TRIM37: variants seen among roughly 807,000 people sequenced by gnomAD.
TRIM37 encodes the protein tripartite motif containing 37.
TRIM37 carries 80 observed loss-of-function variants against 129.8 expected under a neutral mutation model. The ratio of observed to expected loss-of-function variants is 0.62; its 90% CI spans 0.51 to 0.74. The LOEUF (loss-of-function observed/expected upper bound fraction) is 0.74, where lower values mean the gene tolerates loss of function less well. Ranked by LOEUF, TRIM37 falls within the 30% of genes least tolerant of loss-of-function variation. The pLI, the probability that TRIM37 is intolerant of heterozygous loss-of-function variation, is 0.00. For missense variants in TRIM37, 1,054 were observed against 1,176.5 expected (o/e 0.90, Z 1.52); for synonymous variants, 389 against 387.1 (o/e 1.00, Z -0.06).
chr17:59,081,299 C>G, intron 5 of TRIM37, 80 bp from the exon 6 acceptor site: 2 of 1,561,818 alleles, frequency 1.3e-6, no homozygotes, highest in Non-Finnish European at 1.7e-6. Flanking sequence ...TCTATGGACA[C>G]TAATAAACTG....
chr17:58,967,515 TATATAG>T, the TRIM37 span, among the ~76,000 whole-genome samples: 99 of 149,108 alleles, frequency 6.6e-4, no homozygotes, highest in African/African-American at 2.4e-3. Context: ...TATATATATA[TATATAG>T]AGAGAGAGAG....
intron 24 of TRIM37, among the ~76,000 whole-genome samples, chr17:58,990,704 T>G (rs1292683680): frequency 6.9e-6 from 1 of 144,756 alleles, no homozygotes; most frequent in East Asian, 2.0e-4. Context: ...GGCAGGAGAA[T>G]CACTTGAACC....
chr17:59,099,058 C>G lies in TRIM37; in HGVS notation c.123+5235G>C, dbSNP rs574207795. Among the ~76,000 whole-genome samples, 20 of 152,206 alleles carry G rather than the reference C, an allele frequency of 1.3e-4. 1 individual carries two copies. The East Asian group carries it at 3.9e-3, about 29-fold the overall frequency. ...ATTAGCTGGGTGTACTGGCGCACAC[C>G]TGTAGTCCCAGCTACTCGGGAGGCT... On this transcript the variant is annotated intron_variant, in intron 2 of 23. Transcript: ENST00000262294.
intron 19 of TRIM37, among the ~76,000 whole-genome samples, chr17:59,020,416 A>ACTT: frequency 6.6e-6 from 1 of 151,876 alleles, no homozygotes; most frequent in Non-Finnish European, 1.5e-5. Context: ...TAAGCAATAA[A>ACTT]ATAAGTGAAA....
chr17:59,004,245 T>C (rs1259251693), intron 22 of TRIM37, among the ~76,000 whole-genome samples: 1 of 152,148 alleles, frequency 6.6e-6, no homozygotes, highest in Admixed American at 6.5e-5. Context: ...TTGAAAATTT[T>C]GTAGAATTAT....
chr17:59,072,541 G>A (rs958024995), intron 8 of TRIM37, among the ~76,000 whole-genome samples: 2 of 151,890 alleles, frequency 1.3e-5, no homozygotes, highest in African/African-American at 4.8e-5. Context: ...CTCATGACCT[G>A]GCTAGTTCAA....
At chr17:59,032,683 T>C (rs1024949461) in intron 17 of TRIM37, among the ~76,000 whole-genome samples, 1 of 152,000 alleles carries the variant, frequency 6.6e-6, no homozygotes, top group African/African-American at 2.4e-5. Flanking sequence ...ATGTGTACGA[T>C]GTGCACAATT....
At chr17:59,025,412 G>A (rs904302916) in intron 19 of TRIM37, among the ~76,000 whole-genome samples, 5 of 150,886 alleles carry the variant, frequency 3.3e-5, no homozygotes, top group African/African-American at 1.2e-4. Flanking sequence ...TAATATTCAT[G>A]TCATGAATGT....
chr17:59,043,832 T>C (rs1395078682), intron 16 of TRIM37, among the ~76,000 whole-genome samples: 1 of 152,208 alleles, frequency 6.6e-6, no homozygotes, highest in African/African-American at 2.4e-5. Flanking sequence ...ACCTTTATCC[T>C]TACTCCAACT....
rs577975899 is a variant in TRIM37, at chr17:58,999,314, G to A, written c.*63C>T. 54 of 1,612,078 alleles carry A rather than the reference G, an allele frequency of 3.3e-5. No individual in the cohort carries two copies. Among genetic ancestry groups the A allele is most frequent in the Non-Finnish European group, 4.4e-5 (52 of 1,179,202 alleles). On this transcript the variant is annotated 3_prime_UTR_variant, in exon 24 of 24. Coordinates refer to ENST00000262294, the MANE Select transcript of TRIM37 (RefSeq NM_015294.6). ...ATTATCTGACTGATGACAAATTTGA[G>A]CACCAACTACAGCAAAATTCAGGGT... is the stretch of plus-strand genomic sequence containing the variant.
At chr17:59,057,916 A>G (rs1353524093) in intron 12 of TRIM37, among the ~76,000 whole-genome samples, 1 of 152,198 alleles carries the variant, frequency 6.6e-6, no homozygotes, top group Non-Finnish European at 1.5e-5. Flanking sequence ...TCAGGTATAA[A>G]ACAACACCTC....
intron 16 of TRIM37, among the ~76,000 whole-genome samples, chr17:59,043,243 A>G (rs1312207559): frequency 6.6e-6 from 1 of 152,284 alleles, no homozygotes; most frequent in Non-Finnish European, 1.5e-5. Flanking sequence ...CAAGATAAGC[A>G]CCCAGCTTGA....
chr17:59,077,503 T>C (rs958207671), intron 7 of TRIM37, among the ~76,000 whole-genome samples: 4 of 152,030 alleles, frequency 2.6e-5, no homozygotes, highest in African/African-American at 9.7e-5. Flanking sequence ...TTACAATACA[T>C]AATTAAACTT....
downstream of TRIM37, chr17:58,980,681 T>C (rs199649187): frequency 8.7e-5 from 140 of 1,614,062 alleles, no homozygotes; most frequent in Non-Finnish European, 1.1e-4. The surrounding 1 kb of genome is among the most constrained non-coding windows in gnomAD (Gnocchi z 4.7). Flanking sequence ...GGAGCAGATA[T>C]ACAGAATGCA....
At chr17:59,041,765 G>A (rs759525296) in intron 17 of TRIM37, 48 bp downstream of exon 17, 1 of 1,355,522 alleles carries the variant, frequency 7.4e-7, no homozygotes, top group Non-Finnish European at 1.1e-6. Context: ...TCAGAGAAGA[G>A]CAGAGAGAAA....
intron 13 of TRIM37, 26 bp from the exon 14 acceptor site, chr17:59,051,354 A>G (rs773717719): frequency 8.7e-6 from 13 of 1,499,800 alleles, no homozygotes; most frequent in Admixed American, 8.4e-5. Context: ...CCACATTAAA[A>G]AAAAAATTCA....
intron 17 of TRIM37, among the ~76,000 whole-genome samples, chr17:59,037,174 T>C (rs1230925814): frequency 6.6e-6 from 1 of 151,896 alleles, no homozygotes; most frequent in Non-Finnish European, 1.5e-5. Context: ...AGGCTTGAAA[T>C]GGACCTTCAT....
chr17:59,066,288 A>G (rs866766415), intron 9 of TRIM37, among the ~76,000 whole-genome samples: 7 of 152,212 alleles, frequency 4.6e-5, no homozygotes, highest in African/African-American at 1.4e-4. Context: ...GCAACTTTCA[A>G]TCAGGTCTCT....
downstream of TRIM37, chr17:58,980,454 T>G: frequency 6.2e-7 from 1 of 1,614,162 alleles, no homozygotes; most frequent in Non-Finnish European, 8.5e-7. This position sits in a 1 kb window ranked among gnomAD's most constrained non-coding sequence, Gnocchi z 4.7. Flanking sequence ...ATCAACGTGC[T>G]GGAAGACCCA....
Sources: gnomAD v4.1 joint callset for allele counts (sites outside exome capture counted in the v4.1 genomes callset) on GRCh38, gnomAD v4.1.1 for gene constraint, Gnocchi (gnomAD v3.1) non-coding constraint, MANE v1.5 for transcripts, NCBI Gene and HGNC (gene_info 2026-07-23, HGNC 2026-07-21) for gene names.